The following EDA variants were observed in gnomAD, a reference collection of about 807,000 sequenced individuals.
EDA encodes ectodysplasin A.
A neutral mutation model predicts 23.6 loss-of-function variants in EDA; 2 were observed. The observed-to-expected ratio is 0.08, with a 90% confidence interval of 0.03 to 0.27. The LOEUF is 0.27. Ranked by LOEUF, EDA falls within the 10% of genes least tolerant of loss-of-function variation. The probability of loss-of-function intolerance (pLI) is 1.00; values close to 1 mark genes in which losing one functional copy is unlikely to be tolerated. For missense variants in EDA, 229 were observed against 324.2 expected, an observed-to-expected ratio of 0.71 and a Z score of 2.26; for synonymous variants, 131 against 132.0, an observed-to-expected ratio of 0.99 and a Z score of 0.05.
chrX:69,694,474 T>G (rs1237002994), intron 1 of EDA, among the ~76,000 whole-genome samples: 1 of 112,293 alleles, frequency 8.9e-6, no homozygotes, highest in Non-Finnish European at 1.9e-5. Flanking sequence ...AAGTCTCACC[T>G]AGTCTAATGG....
At chrX:69,715,379 A>G (rs1290866983) in intron 1 of EDA, among the ~76,000 whole-genome samples, 2 of 111,222 alleles carry the variant, frequency 1.8e-5, no homozygotes, top group African/African-American at 6.5e-5. Context: ...GCTAAGGATA[A>G]TGGCCTCAAG....
chrX:69,944,187 C>A (rs1025132501), intron 1 of EDA, among the ~76,000 whole-genome samples: 31 of 112,040 alleles, frequency 2.8e-4, no homozygotes, highest in African/African-American at 8.8e-4. Flanking sequence ...GAGCTAGGAC[C>A]TAAGCTGTAA....
intron 1 of EDA, among the ~76,000 whole-genome samples, chrX:69,707,314 T>C (rs974187203): frequency 8.9e-6 from 1 of 112,255 alleles, no homozygotes; most frequent in Non-Finnish European, 1.9e-5. Flanking sequence ...ACCATGGAAA[T>C]ATTCTTTATT....
intron 1 of EDA, among the ~76,000 whole-genome samples, chrX:69,864,950 C>G (rs972614557): frequency 9.0e-6 from 1 of 111,257 alleles, no homozygotes; most frequent in Non-Finnish European, 1.9e-5. Context: ...GAGATCGCCA[C>G]TGCACTCCAG....
chrX:70,031,961 CAGA>C (rs74724667), intron 6 of EDA, among the ~76,000 whole-genome samples: 7,962 of 111,740 alleles, frequency 0.071, 251 homozygotes, highest in South Asian at 0.11. Context: ...TTAGTACTAC[CAGA>C]AGAAGTGATG....
chrX:69,788,435 G>T (rs1212233836), intron 1 of EDA, among the ~76,000 whole-genome samples: 7 of 111,683 alleles, frequency 6.3e-5, no homozygotes, highest in African/African-American at 2.0e-4. Flanking sequence ...ATCTACTTTT[G>T]GTCTTTGATG....
chrX:69,647,955 C>T (rs1327835286), intron 1 of EDA, among the ~76,000 whole-genome samples: 2 of 111,581 alleles, frequency 1.8e-5, no homozygotes, highest in Non-Finnish European at 3.8e-5. Context: ...CGTAGGACTG[C>T]TGTGGTTTGC....
chrX:69,889,976 G>A, intron 1 of EDA, among the ~76,000 whole-genome samples: 2 of 111,720 alleles, frequency 1.8e-5, no homozygotes, highest in Non-Finnish European at 3.8e-5. Context: ...ATGAGGTAGA[G>A]GTCTAACTTC....
chrX:70,019,929 C>T (rs185927246), intron 2 of EDA, among the ~76,000 whole-genome samples: 14 of 111,800 alleles, frequency 1.3e-4, no homozygotes, highest in Admixed American at 2.8e-4. Context: ...AGCCCTGTTT[C>T]TGTTGGTACT....
At position 70,035,892 on chromosome X, in the gene EDA, C is replaced by T. The variant is rs918581198; in HGVS notation, c.*283C>T. 6 of 381,523 alleles carry T rather than the reference C, an allele frequency of 1.6e-5. No individual in the cohort carries two copies. The highest frequency in any genetic ancestry group is 7.0e-4 in the Middle Eastern group (1 of 1,437). The allele number at this position is 381,523 out of a possible 1,213,427, so 31.4% of individuals were successfully genotyped here. ...GACTTATGGCATGACTCTTCAACCC[C>T]GAGGTCCCTGTTGTCAGATCTATTG... On this transcript the variant is annotated 3_prime_UTR_variant, in exon 8 of 8. Transcript: ENST00000374552.
At chrX:70,025,507 A>G (rs2147506719) in intron 3 of EDA, among the ~76,000 whole-genome samples, 1 of 111,670 alleles carries the variant, frequency 9.0e-6, no homozygotes, top group Admixed American at 9.5e-5. Flanking sequence ...AAACAGAGAA[A>G]TCATTGAGGC....
intron 1 of EDA, among the ~76,000 whole-genome samples, chrX:69,742,305 G>A (rs776236136): frequency 6.3e-5 from 7 of 111,201 alleles, no homozygotes; most frequent in East Asian, 2.9e-4. Flanking sequence ...GTGTGACACC[G>A]TAATCCTAGG....
At chrX:69,677,650 C>A (rs1324777237) in intron 1 of EDA, among the ~76,000 whole-genome samples, 1 of 111,231 alleles carries the variant, frequency 9.0e-6, no homozygotes, top group African/African-American at 3.3e-5. Context: ...CTGTTCATGT[C>A]CTTTGCCCAC....
At chrX:69,642,891 T>C (rs1169951758) in intron 1 of EDA, among the ~76,000 whole-genome samples, 2 of 111,787 alleles carry the variant, frequency 1.8e-5, no homozygotes, top group Non-Finnish European at 3.8e-5. Context: ...TTAACTGAAC[T>C]TGAAAGATGG....
chrX:69,625,363 A>G (rs1932344687), intron 1 of EDA, among the ~76,000 whole-genome samples: 1 of 111,108 alleles, frequency 9.0e-6, no homozygotes, highest in Non-Finnish European at 1.9e-5. Context: ...CAGTAGGAAC[A>G]GCAAGTGCAA....
intron 1 of EDA, among the ~76,000 whole-genome samples, chrX:69,676,270 G>A (rs188902304): frequency 8.9e-6 from 1 of 111,830 alleles, no homozygotes; most frequent in East Asian, 2.8e-4. Flanking sequence ...AGACTAGACT[G>A]TAGCAGGGCA....
At chrX:69,648,136 A>C (rs1211793851) in intron 1 of EDA, among the ~76,000 whole-genome samples, 1 of 111,938 alleles carries the variant, frequency 8.9e-6, no homozygotes, top group Non-Finnish European at 1.9e-5. Context: ...AAGGAGCTAG[A>C]GACCCCCATT....
Position 69,861,625 on chromosome X carries a change from A to G in EDA, c.397-95402A>G, listed in dbSNP as rs193123591. On this transcript the variant is annotated intron_variant, in intron 1 of 7. Coordinates refer to ENST00000374552, the MANE Select transcript of EDA (RefSeq NM_001399.5). ...ACACTTACAAAATAAATTTAGGCAT[A>G]TGCTCTCTATAAGACACTCATCTAA... Among the ~76,000 whole-genome samples the G allele has an allele frequency of 2.6e-3, 291 of 112,132 alleles. 2 individuals are homozygous for G. Among genetic ancestry groups the G allele is most frequent in the African/African-American group, 8.9e-3 (276 of 30,929 alleles).
chrX:70,035,638 C>T lies in EDA; in HGVS notation c.*29C>T. On this transcript the variant is annotated 3_prime_UTR_variant, in exon 8 of 8. Coordinates refer to ENST00000374552, the MANE Select transcript of EDA (RefSeq NM_001399.5). ...CCCCCCATTTTGCCTCTGTCCGTGCCCCTTCCCTGGGTTTGGGAGCCAGGA... is the reference window on the plus strand; with the variant it reads ...CCCCCCATTTTGCCTCTGTCCGTGCTCCTTCCCTGGGTTTGGGAGCCAGGA... 8.3e-6 allele frequency: 10 copies of T among 1,205,364 alleles called. No homozygotes were observed. Among genetic ancestry groups the T allele is most frequent in the Non-Finnish European group, 1.0e-5 (9 of 893,611 alleles).
Sources: allele counts gnomAD v4.1 joint callset (sites outside exome capture counted in the v4.1 genomes callset), GRCh38; gene constraint gnomAD v4.1.1; transcripts MANE v1.5; gene names NCBI Gene and HGNC (gene_info 2026-07-23, HGNC 2026-07-21).